Variants in ANK3 observed in about 807,000 individuals in gnomAD.
ANK3 encodes ankyrin-3.
ANK3 carries 57 observed loss-of-function variants against 370.9 expected under a neutral mutation model. The ratio of observed to expected loss-of-function variants is 0.15; its 90% CI spans 0.12 to 0.19. The LOEUF is 0.19. Ranked by LOEUF, ANK3 falls within the 10% of genes least tolerant of loss-of-function variation. The pLI is 1.00. For missense variants in ANK3, 4,439 were observed against 5,302.1 expected (o/e 0.84, Z 5.06); for synonymous variants, 1,929 against 1,946.3 (o/e 0.99, Z 0.23).
At chr10:60,177,176 G>A (rs921314002) in intron 18 of ANK3, among the ~76,000 whole-genome samples, 1 of 152,064 alleles carries the variant, frequency 6.6e-6, no homozygotes, top group Non-Finnish European at 1.5e-5. Flanking sequence ...TCTACCTTTG[G>A]ACAGCCCTCC....
chr10:60,160,940 A>G (rs2095483452), intron 23 of ANK3, among the ~76,000 whole-genome samples: 2 of 152,202 alleles, frequency 1.3e-5, no homozygotes, highest in Non-Finnish European at 2.9e-5. Context: ...ATCATACCCA[A>G]TGGGGAAAAA....
At chr10:60,243,458 G>A (rs185034343) in intron 7 of ANK3, among the ~76,000 whole-genome samples, 50 of 152,226 alleles carry the variant, frequency 3.3e-4, no homozygotes, top group Non-Finnish European at 6.2e-4. Flanking sequence ...ACCATATGAT[G>A]TCCTCCGCCA....
intron 1 of ANK3, among the ~76,000 whole-genome samples, chr10:60,730,793 G>A (rs2080011537): frequency 6.6e-6 from 1 of 152,154 alleles, no homozygotes. Context: ...TAGTAACCTT[G>A]ATCTTTCTAG....
At position 60,575,009 on chromosome 10, in the gene ANK3, T is replaced by A. The variant is rs562258321; in HGVS notation, c.96+40177A>T. 2.6e-5 allele frequency among the ~76,000 whole-genome samples: 4 copies of A among 152,260 alleles called. No individual in the cohort carries two copies. In the South Asian group the frequency reaches 8.3e-4, roughly 32 times the overall value. The stretch of plus-strand genomic sequence containing the variant: ...GGGGGTATAAAAATTGAGATTAAAT[T>A]TAGTTCATTTACATAAAAATTTACA... On this transcript the variant is annotated intron_variant, in intron 2 of 43. Coordinates refer to the ANK3 transcript ENST00000373827.
intron 1 of ANK3, among the ~76,000 whole-genome samples, chr10:60,378,076 T>C (rs1555353618): frequency 1.3e-5 from 2 of 152,144 alleles, no homozygotes; most frequent in Non-Finnish European, 2.9e-5. Context: ...TTTTTATTCA[T>C]TGCTTCTATT....
chr10:60,223,304 C>G (rs914906303), intron 8 of ANK3, among the ~76,000 whole-genome samples: 2 of 152,246 alleles, frequency 1.3e-5, no homozygotes, highest in African/African-American at 4.8e-5. Flanking sequence ...CTCAACCCTA[C>G]TCCTTGGCTA....
chr10:60,361,157 G>T (rs2058549768), intron 1 of ANK3, among the ~76,000 whole-genome samples: 1 of 152,050 alleles, frequency 6.6e-6, no homozygotes, highest in South Asian at 2.1e-4. Flanking sequence ...TTTCTTCTGG[G>T]GTTTTCTTTT....
At chr10:60,696,481 A>T (rs1249073903) in intron 1 of ANK3, among the ~76,000 whole-genome samples, 1 of 151,610 alleles carries the variant, frequency 6.6e-6, no homozygotes, top group Non-Finnish European at 1.5e-5. Context: ...ATCCTTGATG[A>T]ACATTGATGC....
At chr10:60,286,134 C>A (rs922951043) in intron 1 of ANK3, among the ~76,000 whole-genome samples, 1 of 152,174 alleles carries the variant, frequency 6.6e-6, no homozygotes, top group Non-Finnish European at 1.5e-5. Flanking sequence ...CTCTTTTCAG[C>A]TCAAGAATGC....
At position 60,120,817 on chromosome 10, in the gene ANK3, ATAACAAATTC is replaced by A. The variant is rs1297995730; in HGVS notation, c.2842-6496_2842-6487del. Among the ~76,000 whole-genome samples, 4 of 152,348 alleles carry A rather than the reference ATAACAAATTC, an allele frequency of 2.6e-5. No homozygotes were observed. In the East Asian group the frequency reaches 7.7e-4, roughly 29 times the overall value. ...ATAGCTTTTATCCAGAAGTTAGGCA[ATAACAAATTC>A]TAACCAGGATTTGGAGAAAAGGGAA... On this transcript the variant is annotated intron_variant, in intron 25 of 43. Coordinates refer to ENST00000280772, the MANE Select transcript of ANK3 (RefSeq NM_020987.5).
chr10:60,456,168 A>G (rs1354676711), intron 2 of ANK3, among the ~76,000 whole-genome samples: 2 of 152,224 alleles, frequency 1.3e-5, no homozygotes, highest in Non-Finnish European at 2.9e-5. Flanking sequence ...CTGAGAGGAC[A>G]TCTTTCTTAT....
chr10:60,278,901 C>T, intron 3 of ANK3, 29 bp from the exon 4 acceptor site: 2 of 1,604,116 alleles, frequency 1.2e-6, no homozygotes, highest in South Asian at 1.1e-5. Context: ...GATATATCAA[C>T]TCATCGATCT....
At chr10:60,512,124 C>T (rs2076100736) in intron 2 of ANK3, among the ~76,000 whole-genome samples, 1 of 151,914 alleles carries the variant, frequency 6.6e-6, no homozygotes, top group Non-Finnish European at 1.5e-5. Flanking sequence ...GTACAAGGTG[C>T]AGACACCAGT....
At chr10:60,301,868 A>G (rs79274556) in intron 1 of ANK3, among the ~76,000 whole-genome samples, 4,679 of 152,322 alleles carry the variant, frequency 0.031, 240 homozygotes, top group African/African-American at 0.11. Flanking sequence ...ACCCATCATT[A>G]TAACAACCTT....
At chr10:60,374,239 C>T (rs749108133) in intron 1 of ANK3, among the ~76,000 whole-genome samples, 2 of 151,966 alleles carry the variant, frequency 1.3e-5, no homozygotes, top group South Asian at 2.1e-4. Flanking sequence ...ACCTTAGGGG[C>T]CTTGCCAACA....
chr10:60,187,337 A>C (rs1430481232), intron 16 of ANK3, among the ~76,000 whole-genome samples: 1 of 151,708 alleles, frequency 6.6e-6, no homozygotes, highest in Non-Finnish European at 1.5e-5. Flanking sequence ...TTGTATTTTT[A>C]GTAGAGACGG....
intron 1 of ANK3, among the ~76,000 whole-genome samples, chr10:60,365,633 A>G (rs2132758713): frequency 6.6e-6 from 1 of 152,372 alleles, no homozygotes; most frequent in South Asian, 2.1e-4. Context: ...AACGAGAGAA[A>G]AACATCAGGG....
intron 16 of ANK3, among the ~76,000 whole-genome samples, chr10:60,188,117 T>G (rs143594557): frequency 6.6e-6 from 1 of 152,362 alleles, no homozygotes; most frequent in Non-Finnish European, 1.5e-5. Context: ...TGCCTCACAA[T>G]AACTGCCATG....
In ANK3 at chr10:60,637,225, G is replaced by A. The variant is rs116000631; in HGVS notation, c.58-22001C>T. 2.0e-3 allele frequency among the ~76,000 whole-genome samples: 308 copies of A among 152,190 alleles called. 1 individual carries two copies. Among genetic ancestry groups the A allele is most frequent in the African/African-American group, 7.0e-3 (292 of 41,516 alleles). On this transcript the variant is annotated intron_variant, in intron 1 of 43. Coordinates refer to the ANK3 transcript ENST00000373827. ...AGAATTTGATCACCCTTTTCCCCAT[G>A]CTACTAAGTTCCCCAATTTATCACA... is the stretch of plus-strand genomic sequence containing the variant.
Sources: gnomAD v4.1 joint callset for allele counts (sites outside exome capture counted in the v4.1 genomes callset) on GRCh38, gnomAD v4.1.1 for gene constraint, MANE v1.5 for transcripts, NCBI Gene and HGNC (gene_info 2026-07-23, HGNC 2026-07-21) for gene names.